The following GNAS variants were observed in gnomAD, a reference collection of about 807,000 sequenced individuals.
GNAS encodes the protein GNAS complex locus, also known as protein ALEX.
In GNAS, 8 loss-of-function variants were observed where a neutral mutation model predicts 54.5. The observed-to-expected ratio is 0.15, with a 90% CI of 0.09 to 0.26. GNAS has a LOEUF of 0.26. Ranked by LOEUF, GNAS falls within the 10% of genes least tolerant of loss-of-function variation. The pLI is 1.00. For synonymous variants in GNAS, 204 were observed against 191.4 expected (o/e 1.07, Z -0.54); for missense variants, 170 against 529.8 (o/e 0.32, Z 6.67).
At chr20:58,886,011 C>T (rs2088566225) in intron 1 of GNAS, among the ~76,000 whole-genome samples, 1 of 152,200 alleles carries the variant, frequency 6.6e-6, no homozygotes, top group African/African-American at 2.4e-5. Context: ...CCAAGGATAA[C>T]ATTCTTGTCC....
chr20:58,907,535 G>C (rs73915944), intron 6 of GNAS, among the ~76,000 whole-genome samples: 3 of 152,188 alleles, frequency 2.0e-5, no homozygotes, highest in Non-Finnish European at 4.4e-5. Flanking sequence ...TGAATGCTGG[G>C]GGGGCAGGGA....
At chr20:58,864,397 T>C (rs1007210109) in intron 1 of GNAS, among the ~76,000 whole-genome samples, 1 of 152,300 alleles carries the variant, frequency 6.6e-6, no homozygotes, top group Admixed American at 6.5e-5. Context: ...TAATTCCTTA[T>C]AGCTGCTCTT....
At chr20:58,893,398 C>T (rs1347316234) in intron 1 of GNAS, among the ~76,000 whole-genome samples, 1 of 152,096 alleles carries the variant, frequency 6.6e-6, no homozygotes, top group African/African-American at 2.4e-5. Flanking sequence ...TTTTCCACTT[C>T]CTTGATAATT....
chr20:58,891,965 T>C (rs2089422880), intron 1 of GNAS, 100 bp downstream of exon 1: 1 of 677,102 alleles, frequency 1.5e-6, no homozygotes, highest in African/African-American at 2.1e-5. Context: ...GGGCGCGCGC[T>C]CCCGAGCCCC....
intron 1 of GNAS, chr20:58,892,145 C>T (rs1306412280): frequency 1.8e-5 from 17 of 960,882 alleles, no homozygotes; most frequent in South Asian, 4.8e-5. Flanking sequence ...CTCTCGCTCT[C>T]GCTCTCCCCC....
chr20:58,896,984 T>G (rs527572379), intron 2 of GNAS, among the ~76,000 whole-genome samples: 31 of 152,290 alleles, frequency 2.0e-4, no homozygotes, highest in Admixed American at 1.2e-3. Flanking sequence ...AGGCAGCTCC[T>G]TATAGAGAAT....
At chr20:58,905,590 A>C (rs2090987910) in intron 6 of GNAS, 110 bp downstream of exon 6, 3 of 746,584 alleles carry the variant, frequency 4.0e-6, no homozygotes, top group Non-Finnish European at 7.3e-6. Context: ...CCTTTCTTAG[A>C]AGCCAACCAG....
intron 1 of GNAS, among the ~76,000 whole-genome samples, chr20:58,864,975 A>ACTCT (rs113376325): frequency 3.4e-5 from 5 of 147,804 alleles, no homozygotes; most frequent in Admixed American, 2.0e-4. Flanking sequence ...ACGCACGCAC[A>ACTCT]CTCTCTCTCT....
Position 58,856,080 on chromosome 20 carries a change from G to C in GNAS, c.43+15194G>C, listed in dbSNP as rs765716772. Reference sequence around the variant, plus strand: ...CCTTGGCCTGGGGGAGCGGGGAATCGCTTTTCGCCGGCCTCCGCGTAACCT... The same window carrying C: ...CCTTGGCCTGGGGGAGCGGGGAATCCCTTTTCGCCGGCCTCCGCGTAACCT... On this transcript the variant is annotated intron_variant, in intron 1 of 12. Transcript: ENST00000306090. This position sits in a 1 kb window ranked among gnomAD's most constrained non-coding sequence, Gnocchi z 4.2. The C allele has an allele frequency of 4.5e-5, 8 of 177,394 alleles. No individual in the cohort carries two copies. Among genetic ancestry groups the C allele is most frequent in the Non-Finnish European group, 9.6e-5 (8 of 83,416 alleles). The allele number at this position is 177,394 out of a possible 1,614,324, so 11.0% of individuals were successfully genotyped here.
rs145685288 is a variant in GNAS at position 58,852,295 on chromosome 20, C to A, written c.43+11409C>A. ...TGTTAAAGTGCTTTACCGGAGCCAACCTCAGCAAGTGACAAACAAAAGCAG... is the reference window on the plus strand; with the variant it reads ...TGTTAAAGTGCTTTACCGGAGCCAAACTCAGCAAGTGACAAACAAAAGCAG... On this transcript the variant is annotated intron_variant, in intron 1 of 12. Coordinates refer to the GNAS transcript ENST00000306090. Among the ~76,000 whole-genome samples, 234 of 152,278 alleles carry A rather than the reference C, an allele frequency of 1.5e-3. 4 individuals are homozygous for A. The highest frequency in any genetic ancestry group is 5.3e-3 in the African/African-American group (220 of 41,558).
At chr20:58,861,711 CT>C (rs896655986) in intron 1 of GNAS, among the ~76,000 whole-genome samples, 1 of 151,972 alleles carries the variant, frequency 6.6e-6, no homozygotes, top group Admixed American at 6.6e-5. Flanking sequence ...AGGATATATT[CT>C]TTTTTTTATT....
chr20:58,842,384 G>A (rs2145483675), intron 1 of GNAS: 1 of 398,180 alleles, frequency 2.5e-6, no homozygotes, highest in East Asian at 3.6e-5. Flanking sequence ...GATGAATGAC[G>A]GTCAGGTTCT....
At chr20:58,861,105 T>C (rs947396351) in intron 1 of GNAS, among the ~76,000 whole-genome samples, 2 of 152,222 alleles carry the variant, frequency 1.3e-5, no homozygotes, top group Middle Eastern at 3.2e-3. Context: ...CCCAGCAAAA[T>C]TGTGGCTCTT....
intron 1 of GNAS, among the ~76,000 whole-genome samples, chr20:58,847,052 A>G (rs1336660772): frequency 6.6e-6 from 1 of 152,160 alleles, no homozygotes; most frequent in East Asian, 1.9e-4. Context: ...AGGAATCCAC[A>G]AATGTCTGGA....
upstream of GNAS, among the ~76,000 whole-genome samples, chr20:58,890,123 G>A (rs916240535): frequency 4.6e-5 from 7 of 151,890 alleles, no homozygotes; most frequent in African/African-American, 1.7e-4. Context: ...AGAAGCTCGA[G>A]AAGAAGCTGC....
At chr20:58,851,734 C>A (rs1250835709) in intron 1 of GNAS, among the ~76,000 whole-genome samples, 1 of 152,212 alleles carries the variant, frequency 6.6e-6, no homozygotes, top group Non-Finnish European at 1.5e-5. Flanking sequence ...GGCCGGTTGG[C>A]GGGCTCAGTG....
chr20:58,854,255 C>T lies in GNAS; in HGVS notation c.43+13369C>T, dbSNP rs566198679. The T allele has an allele frequency of 1.1e-5, 17 of 1,613,158 alleles. No individual in the cohort carries two copies. In the South Asian group the frequency reaches 1.6e-4, roughly 16 times the overall value. ...CCGTCAACATGGACAGCCCCCCAAT[C>T]GCGCTTGACGGCCCGCCCATCAAGG... is the stretch of plus-strand genomic sequence containing the variant. On this transcript the variant is annotated intron_variant, in intron 1 of 12. Transcript: ENST00000306090.
Position 58,911,163 on chromosome 20 carries a change from T to C in GNAS, c.*334T>C. On this transcript the variant is annotated 3_prime_UTR_variant, in exon 13 of 13. Coordinates refer to ENST00000371085, the MANE Select transcript of GNAS (RefSeq NM_000516.7). ...TTGTGTTGTGCAGCATTAAAAAAAA[T>C]CAAAATAAAAATTAAATGTGAGCAA... The C allele has an allele frequency of 2.0e-6, 1 of 494,442 alleles. No individual in the cohort carries two copies. The highest frequency in any genetic ancestry group is 1.8e-5 in the South Asian group (1 of 56,164). 30.6% of individuals were successfully genotyped at this position (494,442 alleles called of 1,614,324 possible).
upstream of GNAS, chr20:58,840,375 A>C: frequency 1.2e-6 from 2 of 1,613,384 alleles, no homozygotes; most frequent in Non-Finnish European, 1.7e-6. This position sits in a 1 kb window ranked among gnomAD's most constrained non-coding sequence, Gnocchi z 6.0. Context: ...GAGCACGAGG[A>C]GGCAGACCTT....
Sources: allele counts gnomAD v4.1 joint callset (sites outside exome capture counted in the v4.1 genomes callset), GRCh38; gene constraint gnomAD v4.1.1; non-coding constraint Gnocchi (gnomAD v3.1); transcripts MANE v1.5; gene names NCBI Gene and HGNC (gene_info 2026-07-23, HGNC 2026-07-21).